NEDD4: variants seen among roughly 807,000 people sequenced by gnomAD.
NEDD4 encodes the protein NEDD4 E3 ubiquitin protein ligase, also known as E3 ubiquitin-protein ligase NEDD4.
NEDD4 carries 99 observed loss-of-function variants against 144.9 expected under a neutral mutation model. That is an observed-to-expected ratio of 0.68 (90% CI 0.58 to 0.81). The LOEUF is 0.81. Ranked by LOEUF, NEDD4 falls within the 30% of genes least tolerant of loss-of-function variation. NEDD4 has a pLI of 0.00. For missense variants in NEDD4, 985 were observed against 1,065.9 expected (o/e 0.92, Z 1.06); for synonymous variants, 318 against 350.6 (o/e 0.91, Z 1.04).
chr15:55,975,594 T>C (rs1439929229), intron 1 of NEDD4, among the ~76,000 whole-genome samples: 3 of 150,678 alleles, frequency 2.0e-5, no homozygotes, highest in East Asian at 3.9e-4. Flanking sequence ...ATCTCTACAA[T>C]GAAAACTATA....
intron 4 of NEDD4, among the ~76,000 whole-genome samples, chr15:55,945,469 G>A (rs1202251168): frequency 3.9e-5 from 6 of 152,004 alleles, no homozygotes; most frequent in Non-Finnish European, 5.9e-5. Context: ...AGAGAAAAAA[G>A]AATAAAAAGA....
intron 21 of NEDD4, among the ~76,000 whole-genome samples, chr15:55,839,999 A>AAAAAAATATATATATATAT (rs1566901067): frequency 3.8e-5 from 1 of 26,146 alleles, no homozygotes; most frequent in African/African-American, 1.5e-4. Context: ...AAAAAAAAAA[A>AAAAAAATATATATATATAT]ATATATATAT....
chr15:55,975,168 C>G (rs552059666), intron 1 of NEDD4, among the ~76,000 whole-genome samples: 12 of 152,160 alleles, frequency 7.9e-5, no homozygotes, highest in African/African-American at 2.9e-4. Context: ...GCTGGGATTA[C>G]AGGCGTGTGC....
chr15:55,901,412 T>A (rs1321764526), intron 5 of NEDD4, among the ~76,000 whole-genome samples: 1 of 152,180 alleles, frequency 6.6e-6, no homozygotes, highest in African/African-American at 2.4e-5. Context: ...GCTAATTATT[T>A]ACTCCTGTTA....
At chr15:55,918,472 TAAA>T (rs2036506661) in intron 5 of NEDD4, among the ~76,000 whole-genome samples, 1 of 152,118 alleles carries the variant, frequency 6.6e-6, no homozygotes, top group South Asian at 2.1e-4. Flanking sequence ...AAGTAAAAGG[TAAA>T]ATAGTTCCGT....
At chr15:55,941,567 C>CA (rs1555406213) in intron 4 of NEDD4, among the ~76,000 whole-genome samples, 2 of 140,112 alleles carry the variant, frequency 1.4e-5, no homozygotes, top group Non-Finnish European at 3.1e-5. Context: ...TGTTAAATTT[C>CA]TTTTTTTTTT....
chr15:55,915,788 G>A lies in NEDD4; in HGVS notation c.291+8858C>T, dbSNP rs143252347. The A allele has an allele frequency of 1.9e-5, 31 of 1,613,632 alleles. No homozygotes were observed. In the African/African-American group the frequency reaches 3.1e-4, roughly 16 times the overall value. On this transcript the variant is annotated intron_variant, in intron 5 of 28. Transcript: ENST00000435532. ...AAAGAACAATTTTCTTCTGTAACGA[G>A]CCCTTCCTGTGAAGCGGCCGTATGT... is the stretch of plus-strand genomic sequence containing the variant.
intron 1 of NEDD4, among the ~76,000 whole-genome samples, chr15:55,968,755 G>C (rs1051065439): frequency 1.3e-5 from 2 of 152,040 alleles, no homozygotes; most frequent in Admixed American, 6.6e-5. Flanking sequence ...AAAAACCCAG[G>C]AACTGTATTT....
At chr15:55,965,408 C>T (rs967787272) in intron 2 of NEDD4, among the ~76,000 whole-genome samples, 3 of 152,100 alleles carry the variant, frequency 2.0e-5, no homozygotes, top group African/African-American at 7.2e-5. Flanking sequence ...CACCATATTG[C>T]CCAGGCTGGT....
At chr15:55,835,970 A>G (rs1051477193) in intron 24 of NEDD4, among the ~76,000 whole-genome samples, 2 of 151,962 alleles carry the variant, frequency 1.3e-5, no homozygotes, top group East Asian at 1.9e-4. Flanking sequence ...CAGGCCCTGT[A>G]TAAGCTGGTC....
At chr15:55,865,868 G>A (rs919697150) in intron 8 of NEDD4, among the ~76,000 whole-genome samples, 3 of 152,138 alleles carry the variant, frequency 2.0e-5, no homozygotes, top group Non-Finnish European at 4.4e-5. Flanking sequence ...AGAAGGTGAC[G>A]AGTAGTGGAG....
chr15:55,957,234 T>C (rs1217058542), intron 2 of NEDD4, among the ~76,000 whole-genome samples: 4 of 152,250 alleles, frequency 2.6e-5, no homozygotes, highest in African/African-American at 9.6e-5. Context: ...CAAACCATGT[T>C]GTCTGCAAAT....
intron 5 of NEDD4, chr15:55,916,167 G>C: frequency 6.2e-7 from 1 of 1,613,926 alleles, no homozygotes; most frequent in Non-Finnish European, 8.5e-7. Flanking sequence ...TTCACAAGGA[G>C]TAGTATTCCT....
intron 4 of NEDD4, among the ~76,000 whole-genome samples, chr15:55,941,171 T>A (rs2036996467): frequency 6.6e-6 from 1 of 152,208 alleles, no homozygotes; most frequent in Admixed American, 6.5e-5. Flanking sequence ...ATTAATTTTT[T>A]TGAAGATCCA....
chr15:55,832,533 G>C (rs1780810244), intron 27 of NEDD4, among the ~76,000 whole-genome samples: 1 of 152,136 alleles, frequency 6.6e-6, no homozygotes, highest in Non-Finnish European at 1.5e-5. Flanking sequence ...TCCTGCCTCA[G>C]CCTCCCAAGT....
intron 1 of NEDD4, among the ~76,000 whole-genome samples, chr15:55,979,363 T>TTG (rs58978765): frequency 0.08 from 8,656 of 108,864 alleles, 358 homozygotes; most frequent in East Asian, 0.21. Context: ...TTTTTTTTTT[T>TTG]TGAGACGGAG....
rs369378356 is a variant in NEDD4, at chr15:55,860,728, C to T, written c.725G>A (p.Arg242His). 2.5e-5 allele frequency: 40 copies of T among 1,614,014 alleles called. No individual in the cohort carries two copies. The highest frequency in any genetic ancestry group is 6.7e-5 in the East Asian group (3 of 44,902). ...TATCTGCCGCCTGGTGGTAAATGCA[C>T]GTTGTGCTTGCAGTTGAATGTTGCC... ...ENGNIQLQAQRAFTTRRQISE... is the reference protein window; with the variant it reads ...ENGNIQLQAQHAFTTRRQISE... Residue 242 changes from arginine to histidine, a missense_variant, in exon 10 of 29, where the codon CGT (arginine) becomes CAT (histidine). Transcript: ENST00000435532.
intron 4 of NEDD4, among the ~76,000 whole-genome samples, chr15:55,929,958 G>A (rs775753079): frequency 6.6e-6 from 1 of 152,040 alleles, no homozygotes; most frequent in Admixed American, 6.5e-5. Flanking sequence ...TAAAATAGAA[G>A]TGCTTTAAGA....
chr15:55,970,534 C>G (rs2037589979), intron 1 of NEDD4, among the ~76,000 whole-genome samples: 1 of 152,198 alleles, frequency 6.6e-6, no homozygotes, highest in Non-Finnish European at 1.5e-5. Flanking sequence ...TTGTGTCACC[C>G]TTCTGCCAAC....
Sources: gnomAD v4.1 joint callset for allele counts (sites outside exome capture counted in the v4.1 genomes callset) on GRCh38, gnomAD v4.1.1 for gene constraint, MANE v1.5 for transcripts, NCBI Gene and HGNC (gene_info 2026-07-23, HGNC 2026-07-21) for gene names.